The following TMEM94 variants were observed in gnomAD, a reference collection of about 807,000 sequenced individuals.
TMEM94 encodes transmembrane protein 94.
Under a neutral mutation model 158.6 loss-of-function variants are expected in TMEM94, and 81 were observed. The observed-to-expected ratio is 0.51, with a 90% CI of 0.43 to 0.61. The LOEUF (loss-of-function observed/expected upper bound fraction) is 0.61. Among genes scored for constraint, TMEM94 ranks in the 20% least tolerant of loss-of-function variants. The pLI is 0.00. For synonymous variants in TMEM94, 751 were observed against 730.7 expected (o/e 1.03, Z -0.45); for missense variants, 1,435 against 1,762.0 (o/e 0.81, Z 3.32).
rs2052413044 is a variant in TMEM94 at position 75,493,608 on chromosome 17, A to T, written c.2189+15A>T. ...GGATCTGACAGGTGGGTGAGGAAGC[A>T]CATGCCAGCAGCAAGAGCAGTCGCG... On this transcript the variant is annotated intron_variant, in intron 17 of 31. Transcript: ENST00000314256. 20 of 1,613,680 alleles carry T rather than the reference A, an allele frequency of 1.2e-5. No individual in the cohort carries two copies. The highest frequency in any genetic ancestry group is 1.7e-5 in the Non-Finnish European group (20 of 1,179,798).
chr17:75,459,505 C>G (rs2049997397), intron 1 of TMEM94, among the ~76,000 whole-genome samples: 1 of 152,202 alleles, frequency 6.6e-6, no homozygotes, highest in Non-Finnish European at 1.5e-5. Context: ...ACCTTAACTC[C>G]TGTAGAAACT....
intron 19 of TMEM94, 30 bp from the exon 20 acceptor site, chr17:75,494,866 C>T (rs887597776): frequency 1.5e-5 from 24 of 1,613,082 alleles, no homozygotes; most frequent in Middle Eastern, 1.6e-4. Flanking sequence ...CTTTTGGGCC[C>T]GTATGTTCAT....
At chr17:75,482,596 G>T (rs919013110) in intron 2 of TMEM94, among the ~76,000 whole-genome samples, 1 of 151,984 alleles carries the variant, frequency 6.6e-6, no homozygotes, top group African/African-American at 2.4e-5. Context: ...TTCATCCCCA[G>T]AAATTTTGGT....
chr17:75,460,698 A>G (rs1484131670), intron 1 of TMEM94, among the ~76,000 whole-genome samples: 1 of 151,988 alleles, frequency 6.6e-6, no homozygotes, highest in Non-Finnish European at 1.5e-5. Context: ...TTTTTTACAG[A>G]GACGGTTCTT....
At chr17:75,481,231 A>G (rs2051134573) in intron 2 of TMEM94, among the ~76,000 whole-genome samples, 1 of 152,194 alleles carries the variant, frequency 6.6e-6, no homozygotes, top group Non-Finnish European at 1.5e-5. Context: ...ATCCTTGCCA[A>G]AGGGAGGTGG....
chr17:75,468,330 A>C (rs2050379046), intron 1 of TMEM94, among the ~76,000 whole-genome samples: 1 of 152,224 alleles, frequency 6.6e-6, no homozygotes. Context: ...CTGTGGTTCC[A>C]GCTGGCCACA....
chr17:75,485,036 TA>T lies in TMEM94; in HGVS notation c.25-375del, dbSNP rs61277546. Among the ~76,000 whole-genome samples, 8,863 of 129,298 alleles carry T rather than the reference TA, an allele frequency of 0.069. 755 individuals carry two copies. The highest frequency in any genetic ancestry group is 0.21 in the African/African-American group (7,723 of 36,002). 84.8% of individuals were successfully genotyped at this position (129,298 alleles called of 152,430 possible). A position where few individuals can be genotyped will look rare whatever the true frequency, so the allele number is the denominator to read the frequency against. The stretch of plus-strand genomic sequence containing the variant: ...CTAGGAGACTAAGCAAGACTCTATC[TA>T]AAAAAAAAAAAAAAAATTGTCCATG... On this transcript the variant is annotated intron_variant, in intron 2 of 31. Transcript: ENST00000314256. This position sits in a 1 kb window ranked among gnomAD's most constrained non-coding sequence, Gnocchi z 5.5.
intron 1 of TMEM94, among the ~76,000 whole-genome samples, chr17:75,459,061 AAAAAAAAAC>A (rs1215411062): frequency 1.3e-5 from 2 of 152,034 alleles, no homozygotes; most frequent in Admixed American, 6.5e-5. Context: ...CGTCTCAAAA[AAAAAAAAAC>A]AAAAAAAACA....
In TMEM94 at chr17:75,491,240, TGGCCCCTGGGCAGGATAGGCTAATGCCA is replaced by T. The variant is rs528281523; in HGVS notation, c.1234-55_1234-28del. On this transcript the variant is annotated intron_variant, in intron 12 of 31. Coordinates refer to ENST00000314256, the MANE Select transcript of TMEM94 (RefSeq NM_014738.6). The surrounding 1 kb of genome is among the most constrained non-coding windows in gnomAD (Gnocchi z 5.1). ...CTGGGCTGCCCACCTGCCGCTTGAGTGGCCCCTGGGCAGGATAGGCTAATGCCAGGCCCCTTTCCTATCTCAAATGCTT... is the reference window on the plus strand; with the variant it reads ...CTGGGCTGCCCACCTGCCGCTTGAGTGGCCCCTTTCCTATCTCAAATGCTT... 0.019 allele frequency: 30,355 copies of T among 1,602,358 alleles called. 356 individuals carry two copies. Among genetic ancestry groups the T allele is most frequent in the Non-Finnish European group, 0.022 (26,337 of 1,172,050 alleles).
At chr17:75,460,487 A>G (rs2050027990) in intron 1 of TMEM94, among the ~76,000 whole-genome samples, 3 of 151,698 alleles carry the variant, frequency 2.0e-5, no homozygotes, top group Non-Finnish European at 4.4e-5. Context: ...GGCAGAGCCT[A>G]TTGCAAAATC....
intron 25 of TMEM94, 114 bp downstream of exon 25, chr17:75,496,921 C>T (rs1386014353): frequency 2.4e-6 from 3 of 1,225,650 alleles, no homozygotes; most frequent in Non-Finnish European, 2.4e-6. Flanking sequence ...AGGGGTCCCC[C>T]CAGAGCCTCT....
At position 75,493,770 on chromosome 17, in the gene TMEM94, T is replaced by C; in HGVS notation, c.2261T>C (p.Met754Thr). 6.2e-7 allele frequency: 1 copy of C among 1,614,102 alleles called. No individual in the cohort carries two copies. The highest frequency in any genetic ancestry group is 8.5e-7 in the Non-Finnish European group (1 of 1,180,034). ...TGCTCTGCCTTCGCCTACAAGCCCA[T>C]GAACTGCGCCCTGTCCTCTCAGCTC... is the stretch of plus-strand genomic sequence containing the variant. ...GYCSAFAYKP[M>T]NCALSSQLNG... is the part of the protein sequence containing the mutation. The change falls in exon 18 of 32, where the codon ATG becomes ACG. Residue 754 changes from methionine (M) to threonine (T), a missense_variant. Around this residue, in one of 3 missense-constraint regions of TMEM94, gnomAD observed 1,051 missense variants for 1,254.4 expected, o/e 0.84. Transcript: ENST00000314256.
In TMEM94 at chr17:75,495,717, G is replaced by T. The variant is rs569066933; in HGVS notation, c.2944+74G>T. The T allele has an allele frequency of 7.1e-7, 1 of 1,418,358 alleles. No individual in the cohort carries two copies. Among genetic ancestry groups the T allele is most frequent in the African/African-American group, 1.4e-5 (1 of 71,060 alleles). The allele number at this position is 1,418,358 out of a possible 1,614,324, so 87.9% of individuals were successfully genotyped here. A position where few individuals can be genotyped will look rare whatever the true frequency, so the allele number is the denominator to read the frequency against. ...AGCTCTGCCTGGGCCTGCGTACCCCGTGGGCTCTGGAGGGATGTAGGTTTC... is the reference window on the plus strand; with the variant it reads ...AGCTCTGCCTGGGCCTGCGTACCCCTTGGGCTCTGGAGGGATGTAGGTTTC... On this transcript the variant is annotated intron_variant, in intron 22 of 31. Coordinates refer to ENST00000314256, the MANE Select transcript of TMEM94 (RefSeq NM_014738.6). The surrounding 1 kb of genome is among the most constrained non-coding windows in gnomAD (Gnocchi z 5.6).
At chr17:75,476,399 C>G in intron 2 of TMEM94, 25 of 754,202 alleles carry the variant, frequency 3.3e-5, no homozygotes, top group Non-Finnish European at 4.9e-5. Context: ...CTCCTGTTTC[C>G]TCCCTCCTTC....
intron 10 of TMEM94, 28 bp from the exon 11 acceptor site, chr17:75,490,674 C>T (rs1343271812): frequency 6.2e-7 from 1 of 1,610,894 alleles, no homozygotes; most frequent in Non-Finnish European, 8.5e-7. Flanking sequence ...GTTTTCCTCA[C>T]TGAGGACCTC....
At chr17:75,497,447 G>A in intron 26 of TMEM94, among the ~76,000 whole-genome samples, 1 of 150,172 alleles carries the variant, frequency 6.7e-6, no homozygotes. Flanking sequence ...TCCGCCTCCC[G>A]GGCTCAAGTG....
chr17:75,466,543 T>C (rs1176887103), intron 1 of TMEM94, among the ~76,000 whole-genome samples: 1 of 152,112 alleles, frequency 6.6e-6, no homozygotes, highest in East Asian at 1.9e-4. Context: ...AGGCTGGGCA[T>C]GGTGGCTCAT....
chr17:75,472,077 C>A, intron 2 of TMEM94, 148 bp downstream of exon 2: 1 of 701,820 alleles, frequency 1.4e-6, no homozygotes, highest in East Asian at 2.7e-5. Context: ...GGGGATGCGA[C>A]TGTGACCTCT....
At chr17:75,469,052 C>A (rs1311205066) in intron 1 of TMEM94, among the ~76,000 whole-genome samples, 4 of 152,076 alleles carry the variant, frequency 2.6e-5, no homozygotes, top group Non-Finnish European at 5.9e-5. Context: ...GTAGGGCAAA[C>A]CTCATTTTCC....
Sources: gnomAD v4.1 joint callset for allele counts (sites outside exome capture counted in the v4.1 genomes callset) on GRCh38, gnomAD v4.1.1 for gene constraint, gnomAD v4.1.1 regional missense constraint, Gnocchi (gnomAD v3.1) non-coding constraint, MANE v1.5 for transcripts, NCBI Gene and HGNC (gene_info 2026-07-23, HGNC 2026-07-21) for gene names.